The following CCDC150 variants were observed in gnomAD, a reference collection of about 807,000 sequenced individuals.
CCDC150 encodes coiled-coil domain-containing protein 150.
CCDC150 carries 151 observed loss-of-function variants against 156.5 expected under a neutral mutation model. The observed-to-expected ratio is 0.97, with a 90% CI of 0.85 to 1.10. The LOEUF is 1.10. CCDC150 is among the 50% of genes least tolerant of loss of function. CCDC150 has a pLI of 0.00. For synonymous variants in CCDC150, 452 were observed against 429.4 expected (o/e 1.05, Z -0.65); for missense variants, 1,312 against 1,268.1 (o/e 1.03, Z -0.53).
intron 21 of CCDC150, 47 bp downstream of exon 21, chr2:196,721,738 G>C: frequency 6.9e-7 from 1 of 1,451,066 alleles, no homozygotes; most frequent in Non-Finnish European, 9.3e-7. Flanking sequence ...ACCTCTGGAG[G>C]AGTAAGTCAC....
Position 196,676,147 on chromosome 2 carries a change from A to C in CCDC150, c.1142A>C (p.Glu381Ala). The C allele has an allele frequency of 6.2e-7, 1 of 1,613,648 alleles. No individual in the cohort carries two copies. The highest frequency in any genetic ancestry group is 1.1e-5 in the South Asian group (1 of 91,044). Residue 381 changes from glutamate to alanine, a missense_variant, in exon 11 of 28, where the codon GAG (glutamate) becomes GCG (alanine). Transcript: ENST00000389175. Reference protein sequence around the residue: ...IADHQAILQVEQKMMTQTFQE... With the variant: ...IADHQAILQVAQKMMTQTFQE... ...AATATTGCTTTTAACACTCAGGTAGAGCAGAAAATGATGACGCAGACATTT... is the reference window on the plus strand; with the variant it reads ...AATATTGCTTTTAACACTCAGGTAGCGCAGAAAATGATGACGCAGACATTT...
intron 22 of CCDC150, among the ~76,000 whole-genome samples, chr2:196,728,673 T>A (rs1698351514): frequency 6.6e-6 from 1 of 152,264 alleles, no homozygotes; most frequent in African/African-American, 2.4e-5. Flanking sequence ...TGCCATATAA[T>A]TCATTTTCAT....
chr2:196,648,123 A>G lies in CCDC150; in HGVS notation c.176+1619A>G, dbSNP rs115200011. ...ACAGGAGTGCATATATCCCTTTAAC[A>G]TACTGATTTCAATTCCTTGGGATAT... On this transcript the variant is annotated intron_variant, in intron 2 of 27. Coordinates refer to ENST00000389175, the MANE Select transcript of CCDC150 (RefSeq NM_001080539.2). Among the ~76,000 whole-genome samples the G allele has an allele frequency of 2.7e-3, 413 of 152,280 alleles. 2 individuals are homozygous for G. The highest frequency in any genetic ancestry group is 3.7e-3 in the Non-Finnish European group (254 of 67,992).
At chr2:196,659,068 A>G (rs1034647024) in intron 5 of CCDC150, among the ~76,000 whole-genome samples, 1 of 152,218 alleles carries the variant, frequency 6.6e-6, no homozygotes, top group East Asian at 1.9e-4. Flanking sequence ...CTGGCATAAA[A>G]CTAGAAATAA....
chr2:196,688,668 C>G (rs1001300909), intron 13 of CCDC150, among the ~76,000 whole-genome samples: 1 of 151,880 alleles, frequency 6.6e-6, no homozygotes, highest in Non-Finnish European at 1.5e-5. Context: ...GAGTAGGTTG[C>G]GAAAATTTTC....
chr2:196,647,472 C>T (rs984569334), intron 2 of CCDC150, among the ~76,000 whole-genome samples: 1 of 151,868 alleles, frequency 6.6e-6, no homozygotes, highest in Non-Finnish European at 1.5e-5. Flanking sequence ...ATGAAAAATC[C>T]ATATTAAAAT....
chr2:196,680,388 C>G (rs1007817590), intron 13 of CCDC150, among the ~76,000 whole-genome samples: 1 of 152,130 alleles, frequency 6.6e-6, no homozygotes, highest in Non-Finnish European at 1.5e-5. Context: ...CCTCCACCCC[C>G]CCAGGCTCAG....
chr2:196,672,196 T>G (rs769816304), intron 8 of CCDC150, 149 bp from the exon 9 acceptor site: 3 of 414,590 alleles, frequency 7.2e-6, no homozygotes, highest in Admixed American at 4.4e-5. Context: ...CCAAGATTTT[T>G]ATACATTCTT....
intron 13 of CCDC150, among the ~76,000 whole-genome samples, chr2:196,683,251 T>G (rs1241958851): frequency 6.6e-6 from 1 of 152,112 alleles, no homozygotes; most frequent in African/African-American, 2.4e-5. Context: ...TGTTAAATGC[T>G]TTTGCTGTGT....
intron 15 of CCDC150, among the ~76,000 whole-genome samples, chr2:196,708,015 A>G (rs187094026): frequency 3.0e-4 from 45 of 152,248 alleles, no homozygotes; most frequent in Non-Finnish European, 4.0e-4. Context: ...GTAGATGTCT[A>G]TTAGGTCTGC....
chr2:196,725,886 T>C, intron 21 of CCDC150, 87 bp from the exon 22 acceptor site: 1 of 1,257,548 alleles, frequency 8.0e-7, no homozygotes, highest in Non-Finnish European at 1.1e-6. Context: ...ACACACCTTT[T>C]GGAGAGTTGC....
rs542008107 is a variant in CCDC150, at chr2:196,723,108, G to T, written c.2429+1417G>T. 3.9e-5 allele frequency among the ~76,000 whole-genome samples: 6 copies of T among 152,260 alleles called. No individual in the cohort carries two copies. In the South Asian group the frequency reaches 1.2e-3, roughly 32 times the overall value. ...TGGTTAGGAAGACAGAGCAGGTTTT[G>T]GAGAACTTGCTGGGTTTCAGGTACA... On this transcript the variant is annotated intron_variant, in intron 21 of 27. Coordinates refer to ENST00000389175, the MANE Select transcript of CCDC150 (RefSeq NM_001080539.2).
At chr2:196,732,182 A>G (rs768303373) in intron 27 of CCDC150, 30 bp downstream of exon 27, 15 of 1,612,330 alleles carry the variant, frequency 9.3e-6, no homozygotes, top group Middle Eastern at 1.6e-4. Flanking sequence ...GTCTTAAGCA[A>G]TTTTCTACTT....
intron 13 of CCDC150, among the ~76,000 whole-genome samples, chr2:196,689,609 T>C (rs927043502): frequency 9.2e-4 from 140 of 152,180 alleles, no homozygotes; most frequent in African/African-American, 3.1e-3. Flanking sequence ...TCCTGAGACT[T>C]TTCTGAAGTT....
chr2:196,725,422 G>A (rs538761424), intron 21 of CCDC150, among the ~76,000 whole-genome samples: 6 of 152,274 alleles, frequency 3.9e-5, no homozygotes, highest in African/African-American at 1.4e-4. Context: ...ATCCTCAGAA[G>A]ATTAATCATG....
chr2:196,721,092 A>G (rs1378168916), intron 20 of CCDC150, among the ~76,000 whole-genome samples: 1 of 151,978 alleles, frequency 6.6e-6, no homozygotes, highest in Non-Finnish European at 1.5e-5. Flanking sequence ...TAAAATACAC[A>G]TGAATATTTC....
At position 196,669,744 on chromosome 2, in the gene CCDC150, A is replaced by G. The variant is rs546961108; in HGVS notation, c.893-89A>G. On this transcript the variant is annotated intron_variant, in intron 7 of 27. Coordinates refer to ENST00000389175, the MANE Select transcript of CCDC150 (RefSeq NM_001080539.2). Reference sequence around the variant, plus strand: ...TGGGTTCTCCTTATCTCTACAAAAAATAGACATAAAATATTTAAAGCTTCT... The same window carrying G: ...TGGGTTCTCCTTATCTCTACAAAAAGTAGACATAAAATATTTAAAGCTTCT... 7.9e-6 allele frequency: 7 copies of G among 886,408 alleles called. No individual in the cohort carries two copies. The African/African-American group carries it at 8.5e-5, about 11-fold the overall frequency. The allele number at this position is 886,408 out of a possible 1,614,324, so 54.9% of individuals were successfully genotyped here.
intron 15 of CCDC150, among the ~76,000 whole-genome samples, chr2:196,710,911 A>G (rs532312171): frequency 3.9e-4 from 59 of 152,152 alleles, no homozygotes; most frequent in African/African-American, 1.4e-3. Context: ...ATGATGGCAT[A>G]TATGTCTGAA....
intron 1 of CCDC150, among the ~76,000 whole-genome samples, chr2:196,640,198 C>G (rs1372148117): frequency 6.6e-6 from 1 of 152,202 alleles, no homozygotes; most frequent in African/African-American, 2.4e-5. Context: ...TCCGCAGTAC[C>G]TGGCGCTCTT....
Sources: allele counts gnomAD v4.1 joint callset (sites outside exome capture counted in the v4.1 genomes callset), GRCh38; gene constraint gnomAD v4.1.1; transcripts MANE v1.5; gene names NCBI Gene and HGNC (gene_info 2026-07-23, HGNC 2026-07-21).